The following GAS5 variants were observed in gnomAD, a reference collection of about 807,000 sequenced individuals.
The protein encoded by GAS5 is growth arrest specific 5 (non-protein coding).
At chr1:173,866,809 A>T in intron 1 of GAS5, 2 of 765,264 alleles carry the variant, frequency 2.6e-6, no homozygotes. Flanking sequence ...AGAAAACAAA[A>T]AGATGCAAGC....
chr1:173,867,400 C>T (rs1019192133), upstream of GAS5: 8 of 354,914 alleles, frequency 2.3e-5, no homozygotes, highest in African/African-American at 1.7e-4. Flanking sequence ...CCTGTAGTCC[C>T]AGTTACTTGG....
upstream of GAS5, chr1:173,867,199 A>G (rs1418717721): frequency 9.1e-6 from 5 of 552,036 alleles, no homozygotes; most frequent in Non-Finnish European, 1.3e-5. Context: ...TAATGTTACA[A>G]AGAAGCACTG....
intron 6 of GAS5, chr1:173,865,225 A>G (rs564125973): frequency 1.1e-4 from 38 of 354,510 alleles, no homozygotes; most frequent in South Asian, 8.2e-4. Flanking sequence ...TGGAACTGCT[A>G]TACCTTTGCT....
intron 6 of GAS5, chr1:173,864,825 G>A (rs750389505): frequency 3.7e-5 from 19 of 518,922 alleles, no homozygotes; most frequent in African/African-American, 2.1e-4. Flanking sequence ...GAATGTTACC[G>A]CCAGATACAT....
At chr1:173,864,234 G>A (rs539245631) in intron 7 of GAS5, 15 of 516,028 alleles carry the variant, frequency 2.9e-5, no homozygotes, top group African/African-American at 2.9e-4. Context: ...AATTATAATA[G>A]TCCCAACATT....
At chr1:173,865,865 T>TTAA (rs1654516117) in exon 5 of GAS5, 1 of 516,816 alleles carries the variant, frequency 1.9e-6, no homozygotes, top group Admixed American at 2.0e-5. Context: ...ACCAGAACCA[T>TTAA]TAAGCTGGTC....
At chr1:173,868,797 C>T (rs1003834470), upstream of GAS5, 8 of 153,262 alleles carry the variant, frequency 5.2e-5, no homozygotes, top group Middle Eastern at 6.7e-3. Flanking sequence ...CCCATCTTCT[C>T]CGAAGTTCCT....
intron 4 of GAS5, chr1:173,865,976 A>T (rs772103330): frequency 3.9e-6 from 2 of 519,118 alleles, no homozygotes; most frequent in East Asian, 5.4e-5. Context: ...TTAGTCAGTT[A>T]GAGCTAATTA....
At chr1:173,867,503 C>T (rs918069603), upstream of GAS5, 4 of 371,472 alleles carry the variant, frequency 1.1e-5, no homozygotes, top group African/African-American at 2.1e-5. Context: ...CAGAACGAGG[C>T]TCGGTCTCAA....
chr1:173,865,338 AT>A (rs1654402475), intron 6 of GAS5: 1 of 500,676 alleles, frequency 2.0e-6, no homozygotes, highest in Non-Finnish European at 4.0e-6. Flanking sequence ...TTTCTAAAAG[AT>A]TTCCCAACTA....
intron 6 of GAS5, chr1:173,865,142 T>C: frequency 3.0e-6 from 1 of 338,858 alleles, no homozygotes; most frequent in South Asian, 2.3e-5. Flanking sequence ...GAGGTTGCAG[T>C]GAACTGATAG....
At chr1:173,867,358 A>G, upstream of GAS5, 2 of 369,274 alleles carry the variant, frequency 5.4e-6, no homozygotes, top group Non-Finnish European at 1.0e-5. Context: ...CGTCTCTACT[A>G]AAAATATAAA....
chr1:173,865,955 AAC>A, intron 4 of GAS5: 1 of 519,212 alleles, frequency 1.9e-6, no homozygotes, highest in Non-Finnish European at 3.8e-6. Context: ...TGCCAAAACT[AAC>A]AAATGCCTTT....
At chr1:173,864,481 C>T (rs749370081) in intron 6 of GAS5, 7 of 510,408 alleles carry the variant, frequency 1.4e-5, no homozygotes, top group South Asian at 1.0e-4. Flanking sequence ...AAAGCTGACT[C>T]ACCTAGTTTA....
At chr1:173,866,127 C>A (rs191700140) in intron 4 of GAS5, 17 of 496,094 alleles carry the variant, frequency 3.4e-5, no homozygotes, top group African/African-American at 3.0e-4. Flanking sequence ...CCATTTGTGC[C>A]GTAGGAAGTT....
intron 6 of GAS5, chr1:173,865,028 T>C: frequency 2.4e-6 from 1 of 417,198 alleles, no homozygotes; most frequent in South Asian, 1.7e-5. Flanking sequence ...GAGACCAGCC[T>C]GGACAACATA....
upstream of GAS5, among the ~76,000 whole-genome samples, chr1:173,868,592 C>T (rs1315115392): frequency 6.6e-6 from 1 of 152,204 alleles, no homozygotes; most frequent in African/African-American, 2.4e-5. Flanking sequence ...TCTGCCGGAC[C>T]CGCCCCCTCG....
intron 6 of GAS5, chr1:173,864,536 T>C (rs1654254112): frequency 2.4e-6 from 1 of 409,374 alleles, no homozygotes; most frequent in Non-Finnish European, 4.8e-6. Flanking sequence ...AATACCCATT[T>C]AAAATTTGCC....
At chr1:173,864,792 T>A in intron 6 of GAS5, 1 of 518,442 alleles carries the variant, frequency 1.9e-6, no homozygotes, top group Non-Finnish European at 3.9e-6. Flanking sequence ...ATGGCTATAT[T>A]CCCCTTTTCG....
Sources: gnomAD v4.1 joint callset for allele counts (sites outside exome capture counted in the v4.1 genomes callset) on GRCh38, gnomAD v4.1.1 for gene constraint, MANE v1.5 for transcripts, NCBI Gene and HGNC (gene_info 2026-07-23, HGNC 2026-07-21) for gene names.